Variants in CANT1 observed in about 807,000 individuals in gnomAD.
CANT1 encodes the protein calcium activated nucleotidase 1, also known as soluble calcium-activated nucleotidase 1.
Under a neutral mutation model 30.0 loss-of-function variants are expected in CANT1, and 26 were observed. That is an observed-to-expected ratio of 0.87 (90% CI 0.64 to 1.20). The LOEUF is 1.20. CANT1 is among the 50% of genes most tolerant of loss of function. The pLI is 0.00. For synonymous variants in CANT1, 246 were observed against 251.8 expected, an observed-to-expected ratio of 0.98 and a Z score of 0.22; for missense variants, 518 against 563.0, an observed-to-expected ratio of 0.92 and a Z score of 0.81.
In CANT1 at chr17:78,992,616, A is replaced by G. The variant is rs180869519; in HGVS notation, c.*934T>C. 1.8e-5 allele frequency: 9 copies of G among 509,566 alleles called. No homozygotes were observed. In the Admixed American group the frequency reaches 2.2e-4, roughly 12 times the overall value. 31.6% of individuals were successfully genotyped at this position (509,566 alleles called of 1,614,324 possible). On this transcript the variant is annotated 3_prime_UTR_variant, in exon 5 of 5. Transcript: ENST00000392446. ...AGGGAATAAAAAATTCAAGTCATTC[A>G]CAGAAGTCTTGAAAGGCATGAGGAT... is the stretch of plus-strand genomic sequence containing the variant.
Position 78,998,502 on chromosome 17 carries a change from C to G in CANT1, c.-146-539G>C, listed in dbSNP as rs2071120676. On this transcript the variant is annotated intron_variant, in intron 1 of 4. Coordinates refer to ENST00000392446, the MANE Select transcript of CANT1 (RefSeq NM_001159773.2). The surrounding 1 kb of genome is among the most constrained non-coding windows in gnomAD (Gnocchi z 4.5). The stretch of plus-strand genomic sequence containing the variant: ...GCTCGGCTCACTGCGGGGCCTGGCT[C>G]GGCCGCAGGCCTCTCCCAGCTCACC... Among the ~76,000 whole-genome samples, 2 of 152,246 alleles carry G rather than the reference C, an allele frequency of 1.3e-5. No individual in the cohort carries two copies. Among genetic ancestry groups the G allele is most frequent in the South Asian group, 4.1e-4 (2 of 4,836 alleles).
rs201935694 is a variant in CANT1 at position 78,997,425 on chromosome 17, G to C, written c.198C>G (p.Pro66=). 6.2e-7 allele frequency: 1 copy of C among 1,607,416 alleles called. No individual in the cohort carries two copies. The highest frequency in any genetic ancestry group is 8.5e-7 in the Non-Finnish European group (1 of 1,175,708). The change falls in exon 3 of 5, where the codon CCC becomes CCG. Residue 66 remains proline (P), a synonymous_variant. Coordinates refer to ENST00000392446, the MANE Select transcript of CANT1 (RefSeq NM_001159773.2). This position sits in a 1 kb window ranked among gnomAD's most constrained non-coding sequence, Gnocchi z 7.5. The stretch of plus-strand genomic sequence containing the variant: ...GTGCATTGTGGGTGGGGGGCCTGCC[G>C]GGGGCCGGGCGGTGGGAGCAGAGCA... ...LWLLCSHRPA[P]GRPPTHNAHN...
In CANT1 at chr17:78,993,650, C is replaced by G; in HGVS notation, c.1106G>C (p.Arg369Thr). The G allele has an allele frequency of 1.2e-6, 2 of 1,614,258 alleles. No homozygotes were observed. The highest frequency in any genetic ancestry group is 1.7e-6 in the Non-Finnish European group (2 of 1,180,048). ...VALKSEEDSG[R>T]VASYIMAFTL... ...GAAGGCCATGATGTAGGAGGCGACT[C>G]TGCCGCTGTCCTCCTCGGATTTGAG... Residue 369 changes from arginine (R) to threonine (T), a missense_variant, in exon 5 of 5, where the codon AGA becomes ACA. Transcript: ENST00000392446. This position sits in a 1 kb window ranked among gnomAD's most constrained non-coding sequence, Gnocchi z 4.5.
rs776577147 is a variant in CANT1, at chr17:78,997,729, G to C, written c.-22-85C>G. 8.0e-7 allele frequency: 1 copy of C among 1,251,696 alleles called. No homozygotes were observed. 77.5% of individuals were successfully genotyped at this position (1,251,696 alleles called of 1,614,324 possible). A position where few individuals can be genotyped will look rare whatever the true frequency, so the allele number is the denominator to read the frequency against. ...GTTCCGGAAGCTGCAGGCGCTGGAG[G>C]CTGACTTTTCCAGAAGAAACAGTAT... On this transcript the variant is annotated intron_variant, in intron 2 of 4. Coordinates refer to ENST00000392446, the MANE Select transcript of CANT1 (RefSeq NM_001159773.2). The surrounding 1 kb of genome is among the most constrained non-coding windows in gnomAD (Gnocchi z 7.5).
Position 78,993,771 on chromosome 17 carries a change from C to A in CANT1, c.985G>T (p.Asp329Tyr). The change falls in exon 5 of 5, where the codon GAC becomes TAC. Residue 329 changes from aspartate (D) to tyrosine (Y), a missense_variant. Physicochemically the swap from Asp to Tyr is radical, Grantham distance 160. Coordinates refer to ENST00000392446, the MANE Select transcript of CANT1 (RefSeq NM_001159773.2). This position sits in a 1 kb window ranked among gnomAD's most constrained non-coding sequence, Gnocchi z 4.5. ...LLLSASPDFGDIAVSHVGAVV... is the reference protein window; with the variant it reads ...LLLSASPDFGYIAVSHVGAVV... ...GCCCCGACGTGGCTCACAGCGATGT[C>A]GCCGAAGTCAGGGGAGGCGCTCAGC... 6.2e-7 allele frequency: 1 copy of A among 1,613,150 alleles called. No homozygotes were observed. Among genetic ancestry groups the A allele is most frequent in the Non-Finnish European group, 8.5e-7 (1 of 1,179,978 alleles).
Position 78,995,385 on chromosome 17 carries a change from G to A in CANT1, c.632-164C>T. The A allele has an allele frequency of 1.4e-6, 1 of 713,058 alleles. No homozygotes were observed. Among genetic ancestry groups the A allele is most frequent in the Non-Finnish European group, 2.4e-6 (1 of 419,452 alleles). 44.2% of individuals were successfully genotyped at this position (713,058 alleles called of 1,614,324 possible). On this transcript the variant is annotated intron_variant, in intron 3 of 4. Transcript: ENST00000392446. The surrounding 1 kb of genome is among the most constrained non-coding windows in gnomAD (Gnocchi z 5.7). ...CGCACCTGGCTCCCGCCCAGGGCCG[G>A]CCGGCTGCCCTCCCCTCAGCTCCTG... is the stretch of plus-strand genomic sequence containing the variant.
At chr17:78,999,478 C>T (rs796274773) in intron 1 of CANT1, among the ~76,000 whole-genome samples, 23 of 152,202 alleles carry the variant, frequency 1.5e-4, no homozygotes, top group African/African-American at 4.8e-4. Flanking sequence ...ATGCCAATCC[C>T]GCCTACATTT....
At chr17:79,001,329 G>A (rs937898415) in intron 1 of CANT1, among the ~76,000 whole-genome samples, 1 of 151,994 alleles carries the variant, frequency 6.6e-6, no homozygotes, top group African/African-American at 2.4e-5. Flanking sequence ...TTCAGCAGCC[G>A]AGGCCCCTGG....
rs3803781 is a variant in CANT1 at position 78,993,700 on chromosome 17, G to A, written c.1056C>T (p.Asn352=). 49,545 of 1,614,200 alleles carry A rather than the reference G, an allele frequency of 0.031. 1,371 individuals carry two copies. Among genetic ancestry groups the A allele is most frequent in the East Asian group, 0.15 (6,803 of 44,864 alleles). ...HGFSSFKFIP[N]TDDQIIVALK... ...GGGCCACAATGATCTGGTCGTCGGT[G>A]TTGGGGATGAACTTGAAGGACGAGA... The change falls in exon 5 of 5, where the codon AAC becomes AAT. Residue 352 remains asparagine, a synonymous_variant. Coordinates refer to ENST00000392446, the MANE Select transcript of CANT1 (RefSeq NM_001159773.2). The surrounding 1 kb of genome is among the most constrained non-coding windows in gnomAD (Gnocchi z 4.5).
chr17:79,009,569 CGCGGCAGGGTCGGAGGGCG>C (rs1242840896), intron 1 of CANT1, 76 bp downstream of exon 1: 1 of 152,650 alleles, frequency 6.6e-6, no homozygotes, highest in Non-Finnish European at 1.5e-5. Flanking sequence ...GGGGGCGGGA[CGCGGCAGGGTCGGAGGGCG>C]GCGGCAGGCT....
In CANT1 at chr17:78,993,575, T is replaced by G. The variant is rs749798043; in HGVS notation, c.1181A>C (p.Lys394Thr). 3 of 1,614,214 alleles carry G rather than the reference T, an allele frequency of 1.9e-6. No homozygotes were observed. The highest frequency in any genetic ancestry group is 2.5e-6 in the Non-Finnish European group (3 of 1,180,036). Residue 394 changes from lysine (K) to threonine (T), a missense_variant, in exon 5 of 5, where the codon AAA becomes ACA. By Grantham distance (78) the Lys-to-Thr change is moderately conservative. Transcript: ENST00000392446. This position sits in a 1 kb window ranked among gnomAD's most constrained non-coding sequence, Gnocchi z 4.5. ...LLPETKIGSV[K>T]YEGIEFI ...TTAAATGAACTCGATGCCTTCGTAT[T>G]TCACGCTTCCGATCTTGGTCTCCGG...
chr17:78,993,731 T>G lies in CANT1; in HGVS notation c.1025A>C (p.His342Pro). The stretch of plus-strand genomic sequence containing the variant: ...GATGAACTTGAAGGACGAGAAGCCG[T>G]GAGTGGGGACCACCGCCCCGACGTG... ...VSHVGAVVPT[H>P]GFSSFKFIPN... Residue 342 changes from histidine (H) to proline (P), a missense_variant, in exon 5 of 5, where the codon CAC becomes CCC. By Grantham distance (77) the His-to-Pro change is moderately conservative. Transcript: ENST00000392446. The surrounding 1 kb of genome is among the most constrained non-coding windows in gnomAD (Gnocchi z 4.5). 1 of 1,613,970 alleles carries G rather than the reference T, an allele frequency of 6.2e-7. No individual in the cohort carries two copies. Among genetic ancestry groups the G allele is most frequent in the Non-Finnish European group, 8.5e-7 (1 of 1,180,020 alleles).
In CANT1 at chr17:78,997,400, G is replaced by A; in HGVS notation, c.223C>T (p.His75Tyr). 1 of 1,612,222 alleles carries A rather than the reference G, an allele frequency of 6.2e-7. No individual in the cohort carries two copies. The highest frequency in any genetic ancestry group is 8.5e-7 in the Non-Finnish European group (1 of 1,178,850). Residue 75 changes from histidine (H) to tyrosine (Y), a missense_variant, in exon 3 of 5, where the codon CAC (histidine) becomes TAC (tyrosine). Physicochemically the swap from His to Tyr is moderately conservative, Grantham distance 83. Coordinates refer to ENST00000392446, the MANE Select transcript of CANT1 (RefSeq NM_001159773.2). The surrounding 1 kb of genome is among the most constrained non-coding windows in gnomAD (Gnocchi z 7.5). Reference sequence around the variant, plus strand: ...GGCGCCTGGCCGAGCCTCCAGTTGTGTGCATTGTGGGTGGGGGGCCTGCCG... The same window carrying A: ...GGCGCCTGGCCGAGCCTCCAGTTGTATGCATTGTGGGTGGGGGGCCTGCCG... ...APGRPPTHNA[H>Y]NWRLGQAPAN...
chr17:78,994,509 C>T (rs1180689740), intron 4 of CANT1, among the ~76,000 whole-genome samples: 1 of 152,210 alleles, frequency 6.6e-6, no homozygotes, highest in Non-Finnish European at 1.5e-5. Flanking sequence ...AGGAGGCCAG[C>T]TGCCAGGGCG....
intron 1 of CANT1, among the ~76,000 whole-genome samples, chr17:79,003,147 C>T (rs536143866): frequency 6.2e-4 from 94 of 152,256 alleles, no homozygotes; most frequent in African/African-American, 2.0e-3. Context: ...AACAGAGGGG[C>T]AGAGACGCCA....
chr17:79,002,537 C>T lies in CANT1; in HGVS notation c.-146-4574G>A, dbSNP rs867009337. Among the ~76,000 whole-genome samples the T allele has an allele frequency of 1.3e-5, 2 of 152,006 alleles. No homozygotes were observed. Among genetic ancestry groups the T allele is most frequent in the African/African-American group, 4.8e-5 (2 of 41,362 alleles). On this transcript the variant is annotated intron_variant, in intron 1 of 4. Transcript: ENST00000392446. This position sits in a 1 kb window ranked among gnomAD's most constrained non-coding sequence, Gnocchi z 4.0. ...TGTGTAGACGCGGCCTGCGTAGACG[C>T]GGCCTGCTGTGTAGTCACGTCCTGG...
chr17:78,993,655 G>A lies in CANT1; in HGVS notation c.1101C>T (p.Ser367=), dbSNP rs773042538. 7 of 1,614,136 alleles carry A rather than the reference G, an allele frequency of 4.3e-6. No individual in the cohort carries two copies. The highest frequency in any genetic ancestry group is 2.7e-5 in the African/African-American group (2 of 74,942). ...IIVALKSEED[S]GRVASYIMAF... is the part of the protein sequence containing the mutation. ...CCATGATGTAGGAGGCGACTCTGCC[G>A]CTGTCCTCCTCGGATTTGAGGGCCA... Residue 367 remains serine (S), a synonymous_variant, in exon 5 of 5, where the codon AGC becomes AGT. Coordinates refer to ENST00000392446, the MANE Select transcript of CANT1 (RefSeq NM_001159773.2). This position sits in a 1 kb window ranked among gnomAD's most constrained non-coding sequence, Gnocchi z 4.5.
intron 1 of CANT1, among the ~76,000 whole-genome samples, chr17:78,999,095 A>G (rs1384406743): frequency 5.9e-5 from 9 of 152,120 alleles, no homozygotes; most frequent in Admixed American, 5.9e-4. Context: ...ACAGGGTGAC[A>G]ATTCCACATG....
At position 78,998,091 on chromosome 17, in the gene CANT1, G is replaced by T. The variant is rs146924614; in HGVS notation, c.-146-128C>A. ...CCACCTCATCCAGGAAGCCCTCCCTGACTGCCCTGCTGCAGACATCACCCT... is the reference window on the plus strand; with the variant it reads ...CCACCTCATCCAGGAAGCCCTCCCTTACTGCCCTGCTGCAGACATCACCCT... On this transcript the variant is annotated intron_variant, in intron 1 of 4. Coordinates refer to ENST00000392446, the MANE Select transcript of CANT1 (RefSeq NM_001159773.2). The surrounding 1 kb of genome is among the most constrained non-coding windows in gnomAD (Gnocchi z 4.5). 66 of 194,344 alleles carry T rather than the reference G, an allele frequency of 3.4e-4. No homozygotes were observed. The highest frequency in any genetic ancestry group is 1.5e-3 in the African/African-American group (66 of 43,022). The allele number at this position is 194,344 out of a possible 1,614,324, so 12.0% of individuals were successfully genotyped here.
Sources: allele counts gnomAD v4.1 joint callset (sites outside exome capture counted in the v4.1 genomes callset), GRCh38; gene constraint gnomAD v4.1.1; non-coding constraint Gnocchi (gnomAD v3.1); transcripts MANE v1.5; gene names NCBI Gene and HGNC (gene_info 2026-07-23, HGNC 2026-07-21).